TRPC7: variants seen among roughly 807,000 people sequenced by gnomAD.
TRPC7 encodes the protein transient receptor potential cation channel subfamily C member 7.
TRPC7 carries 42 observed loss-of-function variants against 90.1 expected under a neutral mutation model. The ratio of observed to expected loss-of-function variants is 0.47; its 90% CI spans 0.36 to 0.60. The LOEUF (loss-of-function observed/expected upper bound fraction) is 0.60, where lower values mean the gene tolerates loss of function less well. TRPC7 is among the 20% of genes least tolerant of loss of function. The probability of loss-of-function intolerance (pLI) is 0.00; values close to 1 mark genes in which losing one functional copy is unlikely to be tolerated. For missense variants in TRPC7, 955 were observed against 1,112.3 expected, an observed-to-expected ratio of 0.86 and a Z score of 2.01; for synonymous variants, 451 against 436.3, an observed-to-expected ratio of 1.03 and a Z score of -0.42.
At chr5:136,220,478 G>A (rs1014422347) in intron 10 of TRPC7, among the ~76,000 whole-genome samples, 8 of 152,112 alleles carry the variant, frequency 5.3e-5, no homozygotes, top group Non-Finnish European at 8.8e-5. Context: ...ATATGCCCTG[G>A]TCTCCTGCAG....
chr5:136,251,725 C>A lies in TRPC7; in HGVS notation c.1503G>T (p.Leu501=), dbSNP rs752829697. 6.2e-7 allele frequency: 1 copy of A among 1,613,936 alleles called. No individual in the cohort carries two copies. Among genetic ancestry groups the A allele is most frequent in the Admixed American group, 1.7e-5 (1 of 60,018 alleles). The change falls in exon 6 of 12, where the codon CTG becomes CTT. Residue 501 remains leucine, a synonymous_variant. Coordinates refer to ENST00000513104, the MANE Select transcript of TRPC7 (RefSeq NM_020389.3). ...CGTCCTGCACGTGCTGGTCCACGTA[C>A]AGCTGTGCCTCCGTGGCCTTCAGGA... The part of the protein sequence containing the change: ...MAFLKATEAQ[L]YVDQHVQDDT...
At chr5:136,353,765 GA>G (rs1760273502) in intron 2 of TRPC7, among the ~76,000 whole-genome samples, 1 of 152,186 alleles carries the variant, frequency 6.6e-6, no homozygotes. Flanking sequence ...CAAATGTATT[GA>G]TGCAAACTCT....
chr5:136,310,321 A>G (rs913054774), intron 3 of TRPC7, among the ~76,000 whole-genome samples: 4 of 138,398 alleles, frequency 2.9e-5, no homozygotes, highest in Non-Finnish European at 6.1e-5. Flanking sequence ...ATGAATAAAA[A>G]TCATAGGGGA....
intron 10 of TRPC7, among the ~76,000 whole-genome samples, chr5:136,224,183 T>A (rs1755552644): frequency 6.6e-6 from 1 of 152,110 alleles, no homozygotes; most frequent in Non-Finnish European, 1.5e-5. Context: ...AAAATTTACA[T>A]CTGATAAGAA....
At chr5:136,350,540 C>T (rs1400239005) in intron 2 of TRPC7, among the ~76,000 whole-genome samples, 1 of 152,204 alleles carries the variant, frequency 6.6e-6, no homozygotes, top group Admixed American at 6.5e-5. Flanking sequence ...GACTCATTTT[C>T]CTGTGATGAC....
chr5:136,346,518 A>C (rs1422543632), intron 2 of TRPC7, among the ~76,000 whole-genome samples: 3 of 152,142 alleles, frequency 2.0e-5, no homozygotes, highest in Non-Finnish European at 4.4e-5. Flanking sequence ...CATACGTGGA[A>C]CACATACACC....
chr5:136,244,582 T>C (rs2149802693), intron 7 of TRPC7, among the ~76,000 whole-genome samples: 1 of 152,292 alleles, frequency 6.6e-6, no homozygotes, highest in South Asian at 2.1e-4. Flanking sequence ...CAAACAACCT[T>C]TGCAAGGCAC....
At chr5:136,336,645 G>C (rs952201335) in intron 2 of TRPC7, among the ~76,000 whole-genome samples, 1 of 151,902 alleles carries the variant, frequency 6.6e-6, no homozygotes, top group African/African-American at 2.4e-5. Flanking sequence ...TTCTCCTAAT[G>C]CTATCCCTCC....
At chr5:136,283,478 C>G (rs1018113311) in intron 3 of TRPC7, among the ~76,000 whole-genome samples, 1 of 152,216 alleles carries the variant, frequency 6.6e-6, no homozygotes. Context: ...TTCCCAGGCT[C>G]CAGGCCTGCA....
rs111627498 is a variant in TRPC7, at chr5:136,252,465, T to C, written c.1346-583A>G. On this transcript the variant is annotated intron_variant, in intron 5 of 11. Coordinates refer to ENST00000513104, the MANE Select transcript of TRPC7 (RefSeq NM_020389.3). Reference sequence around the variant, plus strand: ...TTTTTTCTTACTCTTTCATAACTTATTGGATTTTAAAGATATATGTCCTCA... The same window carrying C: ...TTTTTTCTTACTCTTTCATAACTTACTGGATTTTAAAGATATATGTCCTCA... Among the ~76,000 whole-genome samples, 1,227 of 152,302 alleles carry C rather than the reference T, an allele frequency of 8.1e-3. 15 individuals are homozygous for C. The highest frequency in any genetic ancestry group is 0.021 in the African/African-American group (862 of 41,556).
chr5:136,322,449 G>A (rs932803145), intron 2 of TRPC7, among the ~76,000 whole-genome samples: 2 of 152,180 alleles, frequency 1.3e-5, no homozygotes, highest in Non-Finnish European at 2.9e-5. Context: ...TTTCTGGAAA[G>A]GTTCTACCAT....
intron 4 of TRPC7, among the ~76,000 whole-genome samples, chr5:136,267,504 G>A (rs778273034): frequency 1.4e-4 from 21 of 152,192 alleles, no homozygotes; most frequent in Non-Finnish European, 2.5e-4. Context: ...GAGTCCTAGA[G>A]TGAAATGTTA....
At chr5:136,280,430 G>T (rs1246210310) in intron 3 of TRPC7, among the ~76,000 whole-genome samples, 1 of 152,202 alleles carries the variant, frequency 6.6e-6, no homozygotes, top group Non-Finnish European at 1.5e-5. Flanking sequence ...TGTAATAGGT[G>T]CTCAATAAAC....
chr5:136,274,631 A>C (rs755320516), intron 4 of TRPC7, 42 bp downstream of exon 4: 8 of 1,537,750 alleles, frequency 5.2e-6, no homozygotes, highest in Middle Eastern at 1.7e-4. Context: ...AAGAAGAGAG[A>C]AGAAATAACC....
At chr5:136,273,548 C>A (rs573558194) in intron 4 of TRPC7, among the ~76,000 whole-genome samples, 7 of 152,296 alleles carry the variant, frequency 4.6e-5, no homozygotes, top group African/African-American at 1.4e-4. Flanking sequence ...GCAGTCAGTT[C>A]ATTGACTGTC....
At chr5:136,340,418 T>C (rs1456353783) in intron 2 of TRPC7, among the ~76,000 whole-genome samples, 1 of 152,110 alleles carries the variant, frequency 6.6e-6, no homozygotes, top group Admixed American at 6.5e-5. Context: ...TAATAACATA[T>C]ATTTAAAAAA....
Position 136,309,939 on chromosome 5 carries a change from C to T in TRPC7, c.963+5658G>A, listed in dbSNP as rs528119613. Among the ~76,000 whole-genome samples the T allele has an allele frequency of 6.6e-5, 10 of 152,308 alleles. No homozygotes were observed. The East Asian group carries it at 1.9e-3, about 29-fold the overall frequency. ...TTCAGAGGAAGAGCTGTCTCTCCAT[C>T]TATCCTAATCTTTACAACCACTCCT... On this transcript the variant is annotated intron_variant, in intron 3 of 11. Coordinates refer to ENST00000513104, the MANE Select transcript of TRPC7 (RefSeq NM_020389.3).
At chr5:136,358,149 T>A (rs754379933) in intron 1 of TRPC7, among the ~76,000 whole-genome samples, 1 of 152,210 alleles carries the variant, frequency 6.6e-6, no homozygotes, top group Non-Finnish European at 1.5e-5. Context: ...GGAGCAGGAC[T>A]AGAATCCTGT....
intron 3 of TRPC7, among the ~76,000 whole-genome samples, chr5:136,282,013 T>C (rs923594489): frequency 6.6e-6 from 1 of 152,228 alleles, no homozygotes; most frequent in African/African-American, 2.4e-5. Context: ...TTTTCTTGCA[T>C]GAATAATTCT....
Sources: allele counts gnomAD v4.1 joint callset (sites outside exome capture counted in the v4.1 genomes callset), GRCh38; gene constraint gnomAD v4.1.1; transcripts MANE v1.5; gene names NCBI Gene and HGNC (gene_info 2026-07-23, HGNC 2026-07-21).